Variants in KDM4C observed in about 807,000 individuals in gnomAD.
KDM4C encodes lysine demethylase 4C.
KDM4C carries 81 observed loss-of-function variants against 129.3 expected under a neutral mutation model. That is an observed-to-expected ratio of 0.63 (90% CI 0.52 to 0.75). The LOEUF is 0.75. KDM4C is among the 30% of genes least tolerant of loss of function. The probability of loss-of-function intolerance (pLI) is 0.00; values close to 1 mark genes in which losing one functional copy is unlikely to be tolerated. For missense variants in KDM4C, 1,457 were observed against 1,304.0 expected, an observed-to-expected ratio of 1.12 and a Z score of -1.81; for synonymous variants, 573 against 456.1, an observed-to-expected ratio of 1.26 and a Z score of -3.26.
intron 1 of KDM4C, among the ~76,000 whole-genome samples, chr9:6,741,991 G>T (rs528817614): frequency 6.7e-6 from 1 of 150,372 alleles, no homozygotes; most frequent in East Asian, 1.9e-4. Context: ...TTTTTTTTTG[G>T]AGACGGAGTC....
At chr9:6,830,359 G>A (rs1332146212) in intron 4 of KDM4C, among the ~76,000 whole-genome samples, 2 of 152,128 alleles carry the variant, frequency 1.3e-5, no homozygotes, top group African/African-American at 2.4e-5. Context: ...TGAGATGAGG[G>A]AGGTCGTGGA....
intron 3 of KDM4C, among the ~76,000 whole-genome samples, chr9:6,813,143 C>A (rs1029012418): frequency 7.9e-5 from 12 of 152,196 alleles, no homozygotes; most frequent in Admixed American, 7.9e-4. Flanking sequence ...CCGCTGTACT[C>A]CAGCCTGGGC....
chr9:7,150,545 C>T (rs1401478753), intron 19 of KDM4C, among the ~76,000 whole-genome samples: 2 of 152,132 alleles, frequency 1.3e-5, no homozygotes, highest in African/African-American at 4.8e-5. Context: ...TTTTTTGTCT[C>T]TGTTTTCTCA....
intron 15 of KDM4C, among the ~76,000 whole-genome samples, chr9:7,033,652 C>T (rs1358330846): frequency 1.3e-5 from 2 of 152,196 alleles, no homozygotes; most frequent in South Asian, 2.1e-4. Flanking sequence ...TGCTCAATAA[C>T]ACCCCCCACC....
chr9:6,814,698 G>C lies in KDM4C; in HGVS notation c.388G>C (p.Val130Leu). 1.2e-6 allele frequency: 2 copies of C among 1,611,892 alleles called. No homozygotes were observed. The highest frequency in any genetic ancestry group is 1.7e-6 in the Non-Finnish European group (2 of 1,178,878). ...CAAGTACTGGAAGAACTTAACTTTT[G>C]TGGCACCTATCTATGGTGCAGATAT... ...ERKYWKNLTF[V>L]APIYGADING... Residue 130 changes from valine (V) to leucine (L), a missense_variant, in exon 4 of 22, where the codon GTG becomes CTG. Transcript: ENST00000381309.
At chr9:6,891,176 C>T (rs1031001786) in intron 7 of KDM4C, among the ~76,000 whole-genome samples, 8 of 152,092 alleles carry the variant, frequency 5.3e-5, no homozygotes, top group African/African-American at 9.6e-5. Flanking sequence ...GATGAGGGAG[C>T]GCTCTTGGGT....
At chr9:7,023,648 C>G (rs1793488857) in intron 15 of KDM4C, among the ~76,000 whole-genome samples, 1 of 151,938 alleles carries the variant, frequency 6.6e-6, no homozygotes, top group African/African-American at 2.4e-5. Flanking sequence ...CTACTCTGAT[C>G]TTCATTATTG....
intron 8 of KDM4C, among the ~76,000 whole-genome samples, chr9:6,966,343 C>T (rs1009294145): frequency 3.9e-5 from 6 of 152,186 alleles, no homozygotes; most frequent in African/African-American, 1.4e-4. Flanking sequence ...CCACTGCGCC[C>T]AGCTAATTTT....
chr9:6,866,846 C>T (rs1270205897), intron 5 of KDM4C, among the ~76,000 whole-genome samples: 2 of 149,554 alleles, frequency 1.3e-5, no homozygotes, highest in Non-Finnish European at 3.0e-5. Flanking sequence ...TCTGACTCCT[C>T]CTCATATTTG....
In KDM4C at chr9:6,766,728, C is replaced by G. The variant is rs115471919; in HGVS notation, c.-18+8525C>G. ...TAAATGATCACATAGTTTTTGGTGA[C>G]AGGTAGGCAGGCCCCAGCTGATGGG... On this transcript the variant is annotated intron_variant, in intron 1 of 21. Transcript: ENST00000381309. 3.2e-3 allele frequency among the ~76,000 whole-genome samples: 481 copies of G among 151,474 alleles called. 1 individual carries two copies. Among genetic ancestry groups the G allele is most frequent in the African/African-American group, 0.011 (465 of 41,252 alleles).
At chr9:7,169,998 TA>T in intron 21 of KDM4C, 108 bp downstream of exon 21, 5 of 1,566,942 alleles carry the variant, frequency 3.2e-6, no homozygotes, top group Non-Finnish European at 3.5e-6. Flanking sequence ...GGATTAATTC[TA>T]AAAAAAGCCA....
intron 18 of KDM4C, among the ~76,000 whole-genome samples, chr9:7,126,854 A>G (rs1188432462): frequency 6.6e-6 from 1 of 150,666 alleles, no homozygotes; most frequent in Non-Finnish European, 1.5e-5. Flanking sequence ...ACTGCTGTTA[A>G]AAAAAAAAGA....
intron 4 of KDM4C, chr9:6,834,972 A>T: frequency 4.0e-6 from 4 of 996,440 alleles, no homozygotes; most frequent in Non-Finnish European, 4.9e-6. Context: ...GCCCTCCCCC[A>T]CACCATCCTG....
intron 12 of KDM4C, among the ~76,000 whole-genome samples, chr9:6,995,752 A>G (rs907591851): frequency 1.3e-5 from 2 of 152,138 alleles, no homozygotes; most frequent in Middle Eastern, 3.4e-3. Context: ...GCTCACTGCA[A>G]GCTCTGCCTG....
At chr9:6,779,172 G>A (rs1823771661) in intron 1 of KDM4C, among the ~76,000 whole-genome samples, 1 of 151,842 alleles carries the variant, frequency 6.6e-6, no homozygotes, top group Non-Finnish European at 1.5e-5. Context: ...GGGACTACAG[G>A]TGCCCGCCAC....
rs141495268 is a variant in KDM4C at position 7,076,494 on chromosome 9, A to T, written c.2425-27191A>T. The T allele has an allele frequency of 2.0e-4, 311 of 1,549,590 alleles. 1 individual carries two copies. In the African/African-American group the frequency reaches 4.0e-3, roughly 20 times the overall value. On this transcript the variant is annotated intron_variant, in intron 17 of 21. Transcript: ENST00000381309. ...ACAACAACAATAACAATGAAGGCTC[A>T]CTGTGAAAACATCAATTCATTAGGA...
intron 5 of KDM4C, among the ~76,000 whole-genome samples, chr9:6,853,506 AT>A (rs1319333636): frequency 6.6e-5 from 10 of 152,200 alleles, no homozygotes; most frequent in African/African-American, 9.7e-5. Flanking sequence ...GAATAAAAAA[AT>A]AAATAAAAAT....
intron 8 of KDM4C, among the ~76,000 whole-genome samples, chr9:6,956,185 C>G (rs1007366897): frequency 6.6e-6 from 1 of 152,106 alleles, no homozygotes; most frequent in Non-Finnish European, 1.5e-5. Context: ...CTAGTTGATA[C>G]CACAATGTGG....
chr9:6,784,835 G>C (rs1457819757), intron 1 of KDM4C, among the ~76,000 whole-genome samples: 2 of 152,242 alleles, frequency 1.3e-5, no homozygotes, highest in East Asian at 3.8e-4. Context: ...GCCCTTTCAA[G>C]CCCTCTTGTG....
Sources: gnomAD v4.1 joint callset for allele counts (sites outside exome capture counted in the v4.1 genomes callset) on GRCh38, gnomAD v4.1.1 for gene constraint, MANE v1.5 for transcripts, NCBI Gene and HGNC (gene_info 2026-07-23, HGNC 2026-07-21) for gene names.